Variants in PDPR observed in about 807,000 individuals in gnomAD.
PDPR encodes pyruvate dehydrogenase phosphatase regulatory subunit.
A neutral mutation model predicts 102.2 loss-of-function variants in PDPR; 50 were observed. The ratio of observed to expected loss-of-function variants is 0.49; its 90% CI spans 0.39 to 0.62. PDPR has a LOEUF of 0.62. PDPR is among the 20% of genes least tolerant of loss of function. The pLI is 0.00. For missense variants in PDPR, 625 were observed against 1,098.2 expected (o/e 0.57, Z 6.09); for synonymous variants, 259 against 406.0 (o/e 0.64, Z 4.35).
intron 3 of PDPR, among the ~76,000 whole-genome samples, chr16:70,122,904 G>A (rs1443745875): frequency 2.2e-4 from 31 of 142,512 alleles, no homozygotes; most frequent in Non-Finnish European, 7.9e-5. Flanking sequence ...TTATGCAGTG[G>A]ATAGTTTTTT....
At chr16:70,151,169 C>T (rs369503889) in intron 17 of PDPR, among the ~76,000 whole-genome samples, 21 of 152,306 alleles carry the variant, frequency 1.4e-4, no homozygotes, top group East Asian at 7.7e-4. Flanking sequence ...CGCCTGACCT[C>T]GTGAGCCGCC....
At chr16:70,152,975 G>C (rs189586420) in intron 17 of PDPR, among the ~76,000 whole-genome samples, 1 of 152,400 alleles carries the variant, frequency 6.6e-6, no homozygotes, top group East Asian at 1.9e-4. Context: ...ACGTGAGGGA[G>C]TAACAGTGGT....
chr16:70,119,046 C>G lies in PDPR; in HGVS notation c.-32-1415C>G, dbSNP rs180898122. ...CCTAAGGCCCCCTTGTCTACCGCCT[C>G]TCGTCTCAAAGTCCTCATCCTCCTG... is the stretch of plus-strand genomic sequence containing the variant. On this transcript the variant is annotated intron_variant, in intron 2 of 18. Transcript: ENST00000288050. Among the ~76,000 whole-genome samples the G allele has an allele frequency of 2.6e-3, 400 of 152,282 alleles. 1 individual carries two copies. Among genetic ancestry groups the G allele is most frequent in the Admixed American group, 0.013 (192 of 15,298 alleles).
chr16:70,156,807 C>G lies in PDPR; in HGVS notation c.2568C>G (p.Tyr856Ter). ...GYRFQAKAKLYPVASLFTQKR... is the reference protein window; with the variant it reads ...GYRFQAKAKL The stretch of plus-strand genomic sequence containing the variant: ...GCTTCCAGGCCAAGGCCAAGCTCTA[C>G]CCTGTCGCCTCCCTCTTCACCCAGA... Residue 856 changes from tyrosine (Y) to a stop codon, truncating the protein, a stop_gained, in exon 19 of 19, where the codon TAC becomes TAG. Coordinates refer to ENST00000288050, the MANE Select transcript of PDPR (RefSeq NM_017990.5). LOFTEE classifies it high-confidence loss of function. 6.2e-7 allele frequency: 1 copy of G among 1,614,072 alleles called. No individual in the cohort carries two copies. The highest frequency in any genetic ancestry group is 1.7e-5 in the Admixed American group (1 of 60,024).
chr16:70,142,333 G>A lies in PDPR; in HGVS notation c.1415G>A (p.Arg472Lys). 1 of 1,614,096 alleles carries A rather than the reference G, an allele frequency of 6.2e-7. No individual in the cohort carries two copies. ...LYDRLDAQGA[R>K]WMEKHGFERP... ...GACCGGCTGGATGCACAGGGAGCCA[G>A]GTGGATGGAGAAACATGGATTTGAG... Residue 472 changes from arginine to lysine, a missense_variant, in exon 12 of 19, where the codon AGG (arginine) becomes AAG (lysine). Around this residue, in one of 11 missense-constraint regions of PDPR, gnomAD observed 34 missense variants for 76.6 expected, o/e 0.44. Transcript: ENST00000288050.
At chr16:70,131,783 A>G in intron 8 of PDPR, 2 of 1,356,086 alleles carry the variant, frequency 1.5e-6, no homozygotes, top group Non-Finnish European at 1.9e-6. Flanking sequence ...GCACTGTAGG[A>G]GAGGGTTCTC....
At position 70,127,612 on chromosome 16, in the gene PDPR, A is replaced by AC. The variant is rs1360722947; in HGVS notation, c.361+223dup. 1.6e-4 allele frequency among the ~76,000 whole-genome samples: 25 copies of AC among 152,320 alleles called. 1 individual carries two copies. The highest frequency in any genetic ancestry group is 6.0e-4 in the African/African-American group (25 of 41,574). ...AGACCATCCTGGCTAACATGGTGAA[A>AC]CCCCGTCTCTACTAAGAAATTAAGA... On this transcript the variant is annotated intron_variant, in intron 4 of 18. Transcript: ENST00000288050.
At chr16:70,150,091 C>CTTTT (rs59657802) in intron 17 of PDPR, among the ~76,000 whole-genome samples, 1 of 136,338 alleles carries the variant, frequency 7.3e-6, no homozygotes. Flanking sequence ...ACCCGGCCGG[C>CTTTT]TTTTTTTTTT....
At chr16:70,139,495 A>G (rs1965498305) in intron 11 of PDPR, among the ~76,000 whole-genome samples, 1 of 152,262 alleles carries the variant, frequency 6.6e-6, no homozygotes, top group African/African-American at 2.4e-5. Flanking sequence ...TCAGAGCTTC[A>G]GGCTTCCGTG....
intron 3 of PDPR, among the ~76,000 whole-genome samples, chr16:70,126,815 T>G (rs1353450478): frequency 6.6e-6 from 1 of 152,272 alleles, no homozygotes; most frequent in Non-Finnish European, 1.5e-5. Flanking sequence ...CATGAGCCAC[T>G]GTGCCTGGCC....
Position 70,125,355 on chromosome 16 carries a change from G to A in PDPR, c.228-1905G>A, listed in dbSNP as rs1446470123. 3.3e-5 allele frequency among the ~76,000 whole-genome samples: 5 copies of A among 151,854 alleles called. No individual in the cohort carries two copies. In the East Asian group the frequency reaches 9.8e-4, roughly 30 times the overall value. ...TGTGCCATTGCACTCCAATCTGAGT[G>A]ACGAGCAAAACTCCGTCTCTAAAAA... On this transcript the variant is annotated intron_variant, in intron 3 of 18. Coordinates refer to ENST00000288050, the MANE Select transcript of PDPR (RefSeq NM_017990.5).
chr16:70,137,092 C>G (rs535302855), intron 10 of PDPR, among the ~76,000 whole-genome samples: 1 of 151,862 alleles, frequency 6.6e-6, no homozygotes, highest in African/African-American at 2.4e-5. Flanking sequence ...GTGGCTCACG[C>G]TTGTAATCCC....
At chr16:70,148,594 TCC>T in intron 17 of PDPR, 41 bp downstream of exon 17, 1 of 244,270 alleles carries the variant, frequency 4.1e-6, no homozygotes, top group Non-Finnish European at 6.7e-6. Context: ...TCACTTCCCT[TCC>T]CTTCCCTTCC....
intron 15 of PDPR, among the ~76,000 whole-genome samples, chr16:70,144,989 T>C (rs934496629): frequency 1.3e-5 from 2 of 150,830 alleles, no homozygotes; most frequent in Admixed American, 1.3e-4. Context: ...ACACAGTGGC[T>C]TACACCTGTA....
Position 70,156,491 on chromosome 16 carries a change from G to T in PDPR, c.2252G>T (p.Gly751Val), listed in dbSNP as rs1967213967. ...VKLEKGMDFI[G>V]RDALLQQKQN... is the part of the protein sequence containing the mutation. Reference sequence around the variant, plus strand: ...CTTTCTTAGGGCATGGATTTCATTGGTCGCGACGCCCTCCTGCAGCAGAAG... The same window carrying T: ...CTTTCTTAGGGCATGGATTTCATTGTTCGCGACGCCCTCCTGCAGCAGAAG... The change falls in exon 19 of 19, where the codon GGT becomes GTT. Residue 751 changes from glycine to valine, a missense_variant. Around this residue, in one of 11 missense-constraint regions of PDPR, gnomAD observed 303 missense variants for 258.9 expected, o/e 1.17. Transcript: ENST00000288050. The T allele has an allele frequency of 6.2e-7, 1 of 1,613,748 alleles. No individual in the cohort carries two copies. Among genetic ancestry groups the T allele is most frequent in the Non-Finnish European group, 8.5e-7 (1 of 1,179,642 alleles).
chr16:70,138,542 C>T (rs1239871098), intron 10 of PDPR, among the ~76,000 whole-genome samples: 16 of 151,878 alleles, frequency 1.1e-4, no homozygotes, highest in Admixed American at 4.6e-4. Context: ...TCTGTAGAGA[C>T]GGGGTCTTAC....
At position 70,127,409 on chromosome 16, in the gene PDPR, C is replaced by T; in HGVS notation, c.361+16C>T. On this transcript the variant is annotated intron_variant, in intron 4 of 18. Transcript: ENST00000288050. ...ATCCAAACAGGTAAGCAAGTGTCTT[C>T]CATTTATTGCTTTGCCTGTCCCTGA... 6.2e-7 allele frequency: 1 copy of T among 1,602,952 alleles called. No individual in the cohort carries two copies. Among genetic ancestry groups the T allele is most frequent in the South Asian group, 1.1e-5 (1 of 89,858 alleles).
At chr16:70,133,915 TAG>T (rs540535268) in intron 9 of PDPR, among the ~76,000 whole-genome samples, 128 of 152,234 alleles carry the variant, frequency 8.4e-4, no homozygotes, top group Non-Finnish European at 1.5e-3. Context: ...GTATTTTTAG[TAG>T]AGACAGGGTT....
chr16:70,133,489 C>A (rs1964770943), intron 9 of PDPR, among the ~76,000 whole-genome samples: 1 of 144,284 alleles, frequency 6.9e-6, no homozygotes, highest in Admixed American at 7.5e-5. Flanking sequence ...ACAATCTCGG[C>A]TCACTCCAAC....
Sources: allele counts gnomAD v4.1 joint callset (sites outside exome capture counted in the v4.1 genomes callset), GRCh38; gene constraint gnomAD v4.1.1; regional missense constraint gnomAD v4.1.1; transcripts MANE v1.5; gene names NCBI Gene and HGNC (gene_info 2026-07-23, HGNC 2026-07-21).